The following GABRA2 variants were observed in gnomAD, a reference collection of about 807,000 sequenced individuals.
GABRA2 encodes the protein gamma-aminobutyric acid receptor subunit alpha-2.
In GABRA2, 16 loss-of-function variants were observed where a neutral mutation model predicts 48.7. That is an observed-to-expected ratio of 0.33 (90% CI 0.22 to 0.50). The LOEUF is 0.50. GABRA2 is among the 20% of genes least tolerant of loss of function. The pLI is 0.98. For synonymous variants in GABRA2, 185 were observed against 184.5 expected (o/e 1.00, Z -0.02); for missense variants, 275 against 535.6 (o/e 0.51, Z 4.80).
intron 4 of GABRA2, among the ~76,000 whole-genome samples, chr4:46,332,200 T>G (rs1199441145): frequency 1.3e-5 from 2 of 152,040 alleles, no homozygotes; most frequent in African/African-American, 4.8e-5. Context: ...CAAAGGGTTT[T>G]TTGTTGTTGT....
chr4:46,389,680 G>A (rs1425236127), intron 1 of GABRA2, 55 bp downstream of exon 1: 2 of 947,854 alleles, frequency 2.1e-6, no homozygotes, highest in Non-Finnish European at 2.5e-6. Flanking sequence ...GCATGCACGC[G>A]AGGCAAAGAC....
intron 6 of GABRA2, among the ~76,000 whole-genome samples, chr4:46,309,807 A>G (rs1349016879): frequency 6.6e-6 from 1 of 152,138 alleles, no homozygotes; most frequent in Non-Finnish European, 1.5e-5. Flanking sequence ...GCCACTTTAT[A>G]GAATCTATCC....
intron 4 of GABRA2, among the ~76,000 whole-genome samples, chr4:46,313,817 G>A (rs540292941): frequency 1.6e-3 from 237 of 152,148 alleles, no homozygotes; most frequent in African/African-American, 5.4e-3. Context: ...GTCATTACAT[G>A]TTTGAAAATA....
intron 9 of GABRA2, among the ~76,000 whole-genome samples, chr4:46,253,173 CT>C (rs11333008): frequency 0.62 from 93,979 of 150,602 alleles, 29,931 homozygotes; most frequent in South Asian, 0.78. Context: ...ATGTAAATAT[CT>C]TTTTTTTTGC....
intron 8 of GABRA2, among the ~76,000 whole-genome samples, chr4:46,292,178 G>A (rs1167216602): frequency 6.6e-6 from 1 of 152,140 alleles, no homozygotes; most frequent in African/African-American, 2.4e-5. Flanking sequence ...CTGCTCCTAA[G>A]TTCACTGGAC....
At chr4:46,355,827 T>C (rs1251609081) in intron 3 of GABRA2, among the ~76,000 whole-genome samples, 1 of 152,206 alleles carries the variant, frequency 6.6e-6, no homozygotes, top group Non-Finnish European at 1.5e-5. Context: ...TTGACTAAAA[T>C]GGCAGTTCAT....
intron 9 of GABRA2, among the ~76,000 whole-genome samples, chr4:46,259,664 T>A (rs1296826796): frequency 6.6e-6 from 1 of 151,850 alleles, no homozygotes; most frequent in East Asian, 1.9e-4. Context: ...TCAAAGAACT[T>A]TTCATTTGCT....
At chr4:46,369,514 C>T (rs1219719654) in intron 3 of GABRA2, among the ~76,000 whole-genome samples, 6 of 151,246 alleles carry the variant, frequency 4.0e-5, no homozygotes, top group African/African-American at 1.5e-4. Context: ...TTGACAAATA[C>T]AGATACCATT....
At chr4:46,389,508 G>C in intron 1 of GABRA2, 1 of 617,178 alleles carries the variant, frequency 1.6e-6, no homozygotes, top group Non-Finnish European at 2.0e-6. Flanking sequence ...CCAGGCTAAC[G>C]TGCTGCCGAG....
At chr4:46,378,752 G>C (rs547669653) in intron 3 of GABRA2, among the ~76,000 whole-genome samples, 22 of 152,022 alleles carry the variant, frequency 1.4e-4, no homozygotes, top group Non-Finnish European at 2.8e-4. Context: ...ACTTGAACCC[G>C]GGAGGTGGAG....
At chr4:46,299,384 C>T (rs1171271668) in intron 8 of GABRA2, among the ~76,000 whole-genome samples, 1 of 151,608 alleles carries the variant, frequency 6.6e-6, no homozygotes, top group Non-Finnish European at 1.5e-5. Context: ...CTAAAATTTT[C>T]CCATCAAATG....
chr4:46,263,166 A>G (rs1717401700), intron 8 of GABRA2, among the ~76,000 whole-genome samples: 2 of 152,032 alleles, frequency 1.3e-5, no homozygotes, highest in Non-Finnish European at 2.9e-5. Context: ...AGCAACTGTA[A>G]AGGTAATACA....
chr4:46,319,567 T>C (rs1729104098), intron 4 of GABRA2, among the ~76,000 whole-genome samples: 1 of 151,728 alleles, frequency 6.6e-6, no homozygotes, highest in Non-Finnish European at 1.5e-5. Flanking sequence ...TTGCAAAAAT[T>C]GCAAAAACAA....
chr4:46,317,272 G>C (rs989380071), intron 4 of GABRA2, among the ~76,000 whole-genome samples: 16 of 151,802 alleles, frequency 1.1e-4, no homozygotes, highest in African/African-American at 3.6e-4. Context: ...CCTAAATGAA[G>C]GGTGAGCCTT....
intron 4 of GABRA2, among the ~76,000 whole-genome samples, chr4:46,326,445 T>C (rs1730390026): frequency 6.6e-6 from 1 of 151,498 alleles, no homozygotes. Context: ...AGCACAGATA[T>C]CTGATGAAAG....
chr4:46,258,298 A>T (rs1387407747), intron 9 of GABRA2, among the ~76,000 whole-genome samples: 1 of 151,884 alleles, frequency 6.6e-6, no homozygotes, highest in Non-Finnish European at 1.5e-5. Context: ...GAGTTGAGAC[A>T]GAAATATGCA....
chr4:46,389,607 G>C (rs1717953775), intron 1 of GABRA2, 128 bp downstream of exon 1: 2 of 492,758 alleles, frequency 4.1e-6, no homozygotes, highest in Non-Finnish European at 5.3e-6. Context: ...GAGGAGGGAG[G>C]TGCGGGAATT....
chr4:46,349,773 T>A (rs747180829), intron 3 of GABRA2, among the ~76,000 whole-genome samples: 1 of 151,920 alleles, frequency 6.6e-6, no homozygotes, highest in Non-Finnish European at 1.5e-5. Context: ...TTCTTAAAAA[T>A]AAATTTAGCT....
At chr4:46,257,213 G>C (rs753652044) in intron 9 of GABRA2, among the ~76,000 whole-genome samples, 1 of 151,552 alleles carries the variant, frequency 6.6e-6, no homozygotes, top group South Asian at 2.1e-4. Context: ...ACACAATTTG[G>C]GGAATGAGAG....
Sources: gnomAD v4.1 joint callset for allele counts (sites outside exome capture counted in the v4.1 genomes callset) on GRCh38, gnomAD v4.1.1 for gene constraint, MANE v1.5 for transcripts, NCBI Gene and HGNC (gene_info 2026-07-23, HGNC 2026-07-21) for gene names.